The following CSMD1 variants were observed in gnomAD, a reference collection of about 807,000 sequenced individuals.
The protein encoded by CSMD1 is CUB and sushi domain-containing protein 1.
In CSMD1, 213 loss-of-function variants were observed where a neutral mutation model predicts 417.5. The observed-to-expected ratio is 0.51, with a 90% CI of 0.46 to 0.57. CSMD1 has a LOEUF of 0.57. Ranked by LOEUF, CSMD1 falls within the 20% of genes least tolerant of loss-of-function variation. The pLI, the probability that CSMD1 is intolerant of heterozygous loss-of-function variation, is 0.00. For synonymous variants in CSMD1, 2,862 were observed against 1,736.8 expected (o/e 1.65, Z -16.11); for missense variants, 6,923 against 4,529.7 (o/e 1.53, Z -15.17).
intron 2 of CSMD1, among the ~76,000 whole-genome samples, chr8:4,499,679 T>C (rs1802156513): frequency 6.6e-6 from 1 of 152,228 alleles, no homozygotes; most frequent in East Asian, 1.9e-4. Flanking sequence ...CAGATTTTAG[T>C]GAATAACTTT....
At chr8:4,379,342 G>A (rs1007817690) in intron 3 of CSMD1, among the ~76,000 whole-genome samples, 63 of 152,314 alleles carry the variant, frequency 4.1e-4, no homozygotes, top group African/African-American at 1.5e-3. Context: ...CAAATTGGAG[G>A]AGATTCAGGA....
chr8:4,386,992 C>T (rs528127930), intron 3 of CSMD1, among the ~76,000 whole-genome samples: 53 of 152,228 alleles, frequency 3.5e-4, no homozygotes, highest in Non-Finnish European at 6.5e-4. Context: ...AATGAAAGGA[C>T]AGTAATCGGC....
chr8:4,276,787 A>G (rs1215572573), intron 3 of CSMD1, among the ~76,000 whole-genome samples: 3 of 152,266 alleles, frequency 2.0e-5, no homozygotes, highest in South Asian at 4.1e-4. Flanking sequence ...GGGGAAAGAA[A>G]AATAGAACAG....
At chr8:4,128,464 A>G (rs1802895426) in intron 3 of CSMD1, among the ~76,000 whole-genome samples, 1 of 152,202 alleles carries the variant, frequency 6.6e-6, no homozygotes, top group South Asian at 2.1e-4. Context: ...GCCATTCCAC[A>G]TGCTCTCCAA....
intron 6 of CSMD1, among the ~76,000 whole-genome samples, chr8:3,744,730 T>C (rs144651113): frequency 2.6e-5 from 4 of 152,220 alleles, no homozygotes; most frequent in African/African-American, 9.6e-5. Flanking sequence ...GAAGAGTCAG[T>C]GACTTACAGC....
intron 1 of CSMD1, among the ~76,000 whole-genome samples, chr8:4,657,531 AG>A (rs1380276682): frequency 1.3e-5 from 2 of 152,228 alleles, no homozygotes; most frequent in African/African-American, 4.8e-5. Context: ...AACATAGAAA[AG>A]AATATAAACC....
At chr8:4,285,783 C>G (rs1439364799) in intron 3 of CSMD1, among the ~76,000 whole-genome samples, 1 of 152,184 alleles carries the variant, frequency 6.6e-6, no homozygotes, top group Admixed American at 6.5e-5. Context: ...CATGCAGGCT[C>G]TGCTTCTTCT....
intron 12 of CSMD1, among the ~76,000 whole-genome samples, chr8:3,444,459 G>C (rs182239294): frequency 2.0e-5 from 3 of 152,136 alleles, no homozygotes; most frequent in South Asian, 2.1e-4. Context: ...AATTACTGTA[G>C]AGCAGTAGTG....
At chr8:4,905,835 GAA>G (rs1021580459) in intron 1 of CSMD1, among the ~76,000 whole-genome samples, 20 of 126,404 alleles carry the variant, frequency 1.6e-4, no homozygotes, top group African/African-American at 6.6e-4. Flanking sequence ...AAAAAAAAAA[GAA>G]AAAAAGAAAA....
At chr8:3,990,683 T>C (rs1242425668) in intron 5 of CSMD1, among the ~76,000 whole-genome samples, 1 of 152,212 alleles carries the variant, frequency 6.6e-6, no homozygotes, top group Non-Finnish European at 1.5e-5. Context: ...CTAGAATTTG[T>C]GAAGAAATCT....
rs13267950 is a variant in CSMD1, at chr8:3,840,745, G to C, written c.819-86703C>G. Among the ~76,000 whole-genome samples, 76 of 148,198 alleles carry C rather than the reference G, an allele frequency of 5.1e-4. 1 individual carries two copies. The East Asian group carries it at 0.015, about 29-fold the overall frequency. On this transcript the variant is annotated intron_variant, in intron 5 of 69. Coordinates refer to ENST00000635120, the MANE Select transcript of CSMD1 (RefSeq NM_033225.6). The stretch of plus-strand genomic sequence containing the variant: ...CTATCTGGCTCTGTCGTGTAGGCTG[G>C]AGTTCAGTGGCAGGATCTCAGTTCA...
At chr8:3,922,231 C>T (rs1459149010) in intron 5 of CSMD1, among the ~76,000 whole-genome samples, 1 of 151,922 alleles carries the variant, frequency 6.6e-6, no homozygotes, top group East Asian at 1.9e-4. Flanking sequence ...ATAAAAATAT[C>T]CTTTTCTATC....
rs1473254068 is a variant in CSMD1 at position 3,219,339 on chromosome 8, T to C, written c.4588A>G (p.Ile1530Val). The C allele has an allele frequency of 1.9e-6, 3 of 1,580,670 alleles. No homozygotes were observed. Among genetic ancestry groups the C allele is most frequent in the Non-Finnish European group, 2.6e-6 (3 of 1,162,338 alleles). ...SYQGSQAPER[I>V]ESSGNSLFLA... ...AACAGGCTGTTTCCGCTACTCTCTA[T>C]TCTTTCTGGGGCCTGAGAGCCCTGG... is the stretch of plus-strand genomic sequence containing the variant. Residue 1530 changes from isoleucine to valine, a missense_variant, in exon 29 of 70, where the codon ATA becomes GTA. Ile to Val is a conservative substitution (Grantham distance 29). Transcript: ENST00000635120.
intron 2 of CSMD1, among the ~76,000 whole-genome samples, chr8:4,577,290 G>A (rs894655027): frequency 6.6e-6 from 1 of 152,152 alleles, no homozygotes; most frequent in Non-Finnish European, 1.5e-5. Flanking sequence ...CTTCATAGCT[G>A]CTCTCTTGGG....
chr8:4,846,853 C>T (rs951827477), intron 1 of CSMD1, among the ~76,000 whole-genome samples: 4 of 152,090 alleles, frequency 2.6e-5, no homozygotes, highest in Non-Finnish European at 5.9e-5. Context: ...TATATATCAA[C>T]TATATCTGTA....
chr8:2,945,942 CA>C (rs1208974118), intron 68 of CSMD1, among the ~76,000 whole-genome samples: 1 of 152,202 alleles, frequency 6.6e-6, no homozygotes, highest in Non-Finnish European at 1.5e-5. Context: ...AACAAATGCA[CA>C]TCCTGTCACG....
chr8:3,545,637 G>A (rs1303531247), intron 10 of CSMD1, among the ~76,000 whole-genome samples: 4 of 152,204 alleles, frequency 2.6e-5, no homozygotes, highest in African/African-American at 9.6e-5. Context: ...CAATTCAGGT[G>A]CATCATCAGC....
At chr8:3,532,787 T>C (rs937786570) in intron 10 of CSMD1, among the ~76,000 whole-genome samples, 2 of 152,328 alleles carry the variant, frequency 1.3e-5, no homozygotes, top group African/African-American at 4.8e-5. Flanking sequence ...ACTGTAAACT[T>C]CTTGACATAT....
intron 7 of CSMD1, among the ~76,000 whole-genome samples, chr8:3,642,805 GA>G (rs1797371621): frequency 6.6e-6 from 1 of 151,930 alleles, no homozygotes; most frequent in Non-Finnish European, 1.5e-5. Context: ...GAATCCAGTA[GA>G]ACCCCCAGAG....
Sources: gnomAD v4.1 joint callset for allele counts (sites outside exome capture counted in the v4.1 genomes callset) on GRCh38, gnomAD v4.1.1 for gene constraint, MANE v1.5 for transcripts, NCBI Gene and HGNC (gene_info 2026-07-23, HGNC 2026-07-21) for gene names.